Variants in CUL3 observed in about 807,000 individuals in gnomAD.
The protein encoded by CUL3 is cullin-3.
A neutral mutation model predicts 89.1 loss-of-function variants in CUL3; 19 were observed. The observed-to-expected ratio is 0.21, with a 90% CI of 0.15 to 0.31. The LOEUF (loss-of-function observed/expected upper bound fraction) is 0.31, where lower values mean the gene tolerates loss of function less well. CUL3 is among the 10% of genes least tolerant of loss of function. The pLI is 1.00. For missense variants in CUL3, 469 were observed against 942.3 expected (o/e 0.50, Z 6.58); for synonymous variants, 351 against 308.4 (o/e 1.14, Z -1.45).
At chr2:224,570,280 A>C (rs1695154070) in intron 1 of CUL3, among the ~76,000 whole-genome samples, 1 of 152,234 alleles carries the variant, frequency 6.6e-6, no homozygotes, top group Admixed American at 6.5e-5. Context: ...AAGCAACATC[A>C]ACCATCAAAA....
In CUL3 at chr2:224,470,532, A is replaced by C. The variant is rs913996416; in HGVS notation, c.*3713T>G. The C allele has an allele frequency of 1.7e-5, 4 of 231,604 alleles. No homozygotes were observed. The highest frequency in any genetic ancestry group is 8.8e-5 in the African/African-American group (4 of 45,266). 14.3% of individuals were successfully genotyped at this position (231,604 alleles called of 1,614,324 possible). Reference sequence around the variant, plus strand: ...TTAACGTCTCTTCTTCCTTCTGGCTAATTTGACATAGGAAAGGCACACAAA... The same window carrying C: ...TTAACGTCTCTTCTTCCTTCTGGCTCATTTGACATAGGAAAGGCACACAAA... On this transcript the variant is annotated 3_prime_UTR_variant, in exon 16 of 16. Coordinates refer to ENST00000264414, the MANE Select transcript of CUL3 (RefSeq NM_003590.5).
intron 1 of CUL3, among the ~76,000 whole-genome samples, chr2:224,574,703 T>C (rs1421177540): frequency 6.6e-6 from 1 of 152,206 alleles, no homozygotes; most frequent in African/African-American, 2.4e-5. Context: ...GTTGAAAATT[T>C]TGATTTTATG....
chr2:224,548,878 C>T (rs1176862569), intron 2 of CUL3, among the ~76,000 whole-genome samples: 3 of 151,886 alleles, frequency 2.0e-5, no homozygotes, highest in Admixed American at 6.6e-5. Flanking sequence ...TGGCACGTGC[C>T]GGTAGCCCAG....
At chr2:224,563,847 T>C (rs1694975002) in intron 1 of CUL3, among the ~76,000 whole-genome samples, 1 of 151,980 alleles carries the variant, frequency 6.6e-6, no homozygotes, top group Admixed American at 6.6e-5. Flanking sequence ...CTTAATACTG[T>C]CCCCAAACCA....
chr2:224,472,795 G>C lies in CUL3; in HGVS notation c.*1450C>G, dbSNP rs1234312359. 2 of 199,650 alleles carry C rather than the reference G, an allele frequency of 1.0e-5. No individual in the cohort carries two copies. The highest frequency in any genetic ancestry group is 7.8e-5 in the East Asian group (1 of 12,816). The allele number at this position is 199,650 out of a possible 1,614,324, so 12.4% of individuals were successfully genotyped here. On this transcript the variant is annotated 3_prime_UTR_variant, in exon 16 of 16. Transcript: ENST00000264414. Reference sequence around the variant, plus strand: ...TAATCCATATTAGAATTCAGTTGTTGTAACTTGACCATAAATTTAAACAGA... The same window carrying C: ...TAATCCATATTAGAATTCAGTTGTTCTAACTTGACCATAAATTTAAACAGA...
intron 1 of CUL3, among the ~76,000 whole-genome samples, chr2:224,565,517 T>C (rs1695022002): frequency 6.6e-6 from 1 of 152,256 alleles, no homozygotes; most frequent in Non-Finnish European, 1.5e-5. Flanking sequence ...AAAATGTTTC[T>C]ATCTGTTCCC....
intron 14 of CUL3, among the ~76,000 whole-genome samples, chr2:224,481,626 T>C (rs1185706013): frequency 6.6e-6 from 1 of 152,080 alleles, no homozygotes; most frequent in East Asian, 1.9e-4. Context: ...TACCAATATG[T>C]TCATAAACTG....
chr2:224,555,022 A>G (rs1230916633), intron 2 of CUL3, among the ~76,000 whole-genome samples: 1 of 152,144 alleles, frequency 6.6e-6, no homozygotes, highest in African/African-American at 2.4e-5. Context: ...CTTGTTCCTC[A>G]GTATACGTTA....
intron 2 of CUL3, chr2:224,556,533 C>A (rs1363332661): frequency 6.6e-6 from 1 of 152,074 alleles, no homozygotes; most frequent in Non-Finnish European, 1.5e-5. Context: ...TGTCAATGTG[C>A]TGAAAGACAA....
intron 2 of CUL3, among the ~76,000 whole-genome samples, chr2:224,543,694 G>T (rs574590370): frequency 9.8e-4 from 149 of 152,266 alleles, no homozygotes; most frequent in African/African-American, 3.5e-3. Context: ...AAAAGTTTCG[G>T]ATTTTGGCCT....
intron 3 of CUL3, among the ~76,000 whole-genome samples, chr2:224,520,770 G>T (rs953980520): frequency 3.9e-5 from 6 of 152,146 alleles, no homozygotes; most frequent in African/African-American, 1.4e-4. Flanking sequence ...CAAAATGCTT[G>T]GCCCTACAAG....
chr2:224,504,559 T>C (rs560527797), intron 8 of CUL3, among the ~76,000 whole-genome samples: 4 of 152,266 alleles, frequency 2.6e-5, no homozygotes, highest in Non-Finnish European at 1.5e-5. Flanking sequence ...TCCGCCGCCT[T>C]TGCCTCCCAA....
At chr2:224,516,489 G>T (rs1246583576) in intron 3 of CUL3, among the ~76,000 whole-genome samples, 8 of 151,650 alleles carry the variant, frequency 5.3e-5, no homozygotes, top group Non-Finnish European at 4.4e-5. Context: ...GCTAATTTTT[G>T]TATGTTTAGT....
intron 11 of CUL3, chr2:224,499,668 C>T (rs1432044527): frequency 1.4e-5 from 3 of 215,500 alleles, no homozygotes; most frequent in Non-Finnish European, 3.0e-5. Flanking sequence ...TATAAGCACC[C>T]TGCAGGGGTG....
intron 3 of CUL3, among the ~76,000 whole-genome samples, chr2:224,528,225 T>C (rs897518787): frequency 6.6e-5 from 10 of 152,222 alleles, no homozygotes; most frequent in Non-Finnish European, 1.5e-4. Flanking sequence ...TGGCTCCTTA[T>C]GGAGGCTCTC....
At chr2:224,581,885 C>T (rs1559248932) in intron 1 of CUL3, among the ~76,000 whole-genome samples, 3 of 151,948 alleles carry the variant, frequency 2.0e-5, no homozygotes, top group African/African-American at 7.3e-5. Context: ...ATCCAAACAA[C>T]AGATGTAAAA....
At chr2:224,503,527 T>C (rs1200158801) in intron 9 of CUL3, 125 bp downstream of exon 9, 3 of 829,800 alleles carry the variant, frequency 3.6e-6, no homozygotes, top group South Asian at 4.7e-5. Context: ...TCCAAAACAA[T>C]CTACCTTTAT....
chr2:224,509,423 C>T (rs1425451154), intron 6 of CUL3, among the ~76,000 whole-genome samples: 2 of 152,170 alleles, frequency 1.3e-5, no homozygotes, highest in Non-Finnish European at 2.9e-5. Context: ...CACCAATTTG[C>T]CCAGGTTGGT....
intron 15 of CUL3, among the ~76,000 whole-genome samples, chr2:224,474,930 TA>T (rs1308426989): frequency 6.6e-6 from 1 of 152,250 alleles, no homozygotes; most frequent in Non-Finnish European, 1.5e-5. Context: ...TACTGTGCTA[TA>T]TATAATAATA....
Sources: gnomAD v4.1 joint callset for allele counts (sites outside exome capture counted in the v4.1 genomes callset) on GRCh38, gnomAD v4.1.1 for gene constraint, MANE v1.5 for transcripts, NCBI Gene and HGNC (gene_info 2026-07-23, HGNC 2026-07-21) for gene names.